The following SLC12A8 variants were observed in gnomAD, a reference collection of about 807,000 sequenced individuals.
SLC12A8 encodes the protein cation-chloride cotransporter 9.
In SLC12A8, 69 loss-of-function variants were observed where a neutral mutation model predicts 75.6. That is an observed-to-expected ratio of 0.91 (90% CI 0.75 to 1.11). The LOEUF (loss-of-function observed/expected upper bound fraction) is 1.11. Among genes scored for constraint, SLC12A8 ranks in the 50% most tolerant of loss-of-function variants. The pLI, the probability that SLC12A8 is intolerant of heterozygous loss-of-function variation, is 0.00. For synonymous variants in SLC12A8, 365 were observed against 372.8 expected, an observed-to-expected ratio of 0.98 and a Z score of 0.24; for missense variants, 877 against 896.7, an observed-to-expected ratio of 0.98 and a Z score of 0.28.
chr3:125,092,612 C>G (rs897057295), intron 10 of SLC12A8, among the ~76,000 whole-genome samples: 2 of 152,052 alleles, frequency 1.3e-5, no homozygotes, highest in Non-Finnish European at 2.9e-5. Context: ...GTCTTTGCTA[C>G]CTTCTGACTC....
chr3:125,141,798 G>C (rs1342663159), intron 5 of SLC12A8, among the ~76,000 whole-genome samples: 3 of 152,060 alleles, frequency 2.0e-5, no homozygotes, highest in Non-Finnish European at 2.9e-5. Flanking sequence ...CCTTTCCTGC[G>C]AATGGACAAT....
intron 4 of SLC12A8, among the ~76,000 whole-genome samples, 174 bp from the exon 5 acceptor site, chr3:125,178,148 C>T (rs1440811721): frequency 2.6e-5 from 4 of 152,162 alleles, no homozygotes; most frequent in African/African-American, 9.7e-5. Context: ...GTGAACCTGC[C>T]TCAGGCCCCA....
chr3:125,086,126 C>T (rs946329277), intron 13 of SLC12A8, among the ~76,000 whole-genome samples: 1 of 152,170 alleles, frequency 6.6e-6, no homozygotes, highest in African/African-American at 2.4e-5. Context: ...AGGTGATCTA[C>T]CCGCCTCAGC....
intron 5 of SLC12A8, among the ~76,000 whole-genome samples, chr3:125,155,645 G>A (rs1250950917): frequency 8.1e-4 from 59 of 73,258 alleles, no homozygotes; most frequent in Admixed American, 8.0e-3. Context: ...CAGCTACTCG[G>A]GAGGCTGAGA....
At chr3:125,096,905 T>C (rs1346426736) in intron 10 of SLC12A8, among the ~76,000 whole-genome samples, 1 of 152,098 alleles carries the variant, frequency 6.6e-6, no homozygotes, top group African/African-American at 2.4e-5. Flanking sequence ...TCATATGTCT[T>C]CCCCTACTAG....
chr3:125,087,266 T>C (rs1938483622), intron 13 of SLC12A8, among the ~76,000 whole-genome samples: 2 of 152,034 alleles, frequency 1.3e-5, no homozygotes, highest in Non-Finnish European at 2.9e-5. Context: ...CTAATTTTTG[T>C]AGTTTTAGTA....
intron 2 of SLC12A8, among the ~76,000 whole-genome samples, chr3:125,209,862 C>T (rs1935301840): frequency 6.6e-6 from 1 of 152,160 alleles, no homozygotes; most frequent in South Asian, 2.1e-4. Context: ...ATCTATGCTT[C>T]ATAAAAGCAT....
chr3:125,143,296 G>C (rs534200887), intron 5 of SLC12A8, among the ~76,000 whole-genome samples: 101 of 152,330 alleles, frequency 6.6e-4, no homozygotes, highest in African/African-American at 2.4e-3. Context: ...GAACTGAATC[G>C]GCTGTATTGC....
At chr3:125,136,374 C>T (rs924011256) in intron 5 of SLC12A8, among the ~76,000 whole-genome samples, 1 of 152,186 alleles carries the variant, frequency 6.6e-6, no homozygotes, top group African/African-American at 2.4e-5. Context: ...CTCTAAGCAT[C>T]GTAGTGGGCC....
chr3:125,164,511 G>A (rs1934245296), intron 5 of SLC12A8, among the ~76,000 whole-genome samples: 1 of 152,216 alleles, frequency 6.6e-6, no homozygotes, highest in African/African-American at 2.4e-5. Context: ...GCCCTCAGCT[G>A]AGTGCAGGTC....
intron 2 of SLC12A8, among the ~76,000 whole-genome samples, chr3:125,206,244 C>A (rs543546781): frequency 2.6e-5 from 4 of 152,312 alleles, no homozygotes; most frequent in South Asian, 2.1e-4. Flanking sequence ...AAGCCTGACA[C>A]CCATACTCAA....
chr3:125,145,267 T>A (rs1399884752), intron 5 of SLC12A8, among the ~76,000 whole-genome samples: 1 of 152,158 alleles, frequency 6.6e-6, no homozygotes, highest in South Asian at 2.1e-4. Context: ...GCCTGTTTTT[T>A]CCACTAGACT....
At chr3:125,206,038 T>G (rs542506435) in intron 2 of SLC12A8, among the ~76,000 whole-genome samples, 2 of 152,198 alleles carry the variant, frequency 1.3e-5, no homozygotes, top group Non-Finnish European at 2.9e-5. Flanking sequence ...TTTTCCTTCC[T>G]CCTCAGCTGC....
At chr3:125,125,860 A>T in intron 6 of SLC12A8, 2 of 819,512 alleles carry the variant, frequency 2.4e-6, no homozygotes, top group Non-Finnish European at 3.0e-6. Flanking sequence ...TGCATGATTA[A>T]TGTGGGGTTA....
At chr3:125,198,436 C>G (rs980840806) in intron 2 of SLC12A8, among the ~76,000 whole-genome samples, 1 of 152,072 alleles carries the variant, frequency 6.6e-6, no homozygotes, top group Non-Finnish European at 1.5e-5. Context: ...AGTTCGAAAC[C>G]AGCCTGGCCA....
intron 2 of SLC12A8, 127 bp from the exon 3 acceptor site, chr3:125,190,648 G>T: frequency 9.0e-7 from 1 of 1,109,636 alleles, no homozygotes; most frequent in Non-Finnish European, 1.3e-6. Flanking sequence ...ATTGTGCCAG[G>T]GCAAGTGTGT....
intron 5 of SLC12A8, among the ~76,000 whole-genome samples, chr3:125,155,947 A>T (rs1560070243): frequency 6.6e-6 from 1 of 151,950 alleles, no homozygotes. Context: ...TTCCCTTCAC[A>T]TCCCTAGACC....
intron 5 of SLC12A8, among the ~76,000 whole-genome samples, chr3:125,170,636 C>T (rs1579520917): frequency 1.3e-5 from 2 of 152,202 alleles, no homozygotes; most frequent in Admixed American, 6.5e-5. Flanking sequence ...GACTGGGGGC[C>T]GGGCGTGGTG....
At chr3:125,150,024 T>G (rs1933881556) in intron 5 of SLC12A8, among the ~76,000 whole-genome samples, 1 of 152,220 alleles carries the variant, frequency 6.6e-6, no homozygotes, top group Non-Finnish European at 1.5e-5. Context: ...TTTGAGAATC[T>G]GGCAGTAGTT....
Sources: allele counts gnomAD v4.1 joint callset (sites outside exome capture counted in the v4.1 genomes callset), GRCh38; gene constraint gnomAD v4.1.1; transcripts MANE v1.5; gene names NCBI Gene and HGNC (gene_info 2026-07-23, HGNC 2026-07-21).